AGBL1: variants seen among roughly 807,000 people sequenced by gnomAD.
AGBL1 encodes the protein cytosolic carboxypeptidase 4.
In AGBL1, 130 loss-of-function variants were observed where a neutral mutation model predicts 118.9. That is an observed-to-expected ratio of 1.09 (90% CI 0.95 to 1.26). The LOEUF (loss-of-function observed/expected upper bound fraction) is 1.26, where lower values mean the gene tolerates loss of function less well. Among genes scored for constraint, AGBL1 ranks in the 50% most tolerant of loss-of-function variants. AGBL1 has a pLI of 0.00. For synonymous variants in AGBL1, 555 were observed against 478.9 expected, an observed-to-expected ratio of 1.16 and a Z score of -2.08; for missense variants, 1,584 against 1,298.1, an observed-to-expected ratio of 1.22 and a Z score of -3.38.
At chr15:86,319,664 G>C (rs1355687377) in intron 17 of AGBL1, among the ~76,000 whole-genome samples, 1 of 147,846 alleles carries the variant, frequency 6.8e-6, no homozygotes, top group East Asian at 2.0e-4. Context: ...TATGTTACTA[G>C]CTTTATGTCA....
chr15:86,082,397 C>G (rs1372659235), intron 1 of AGBL1, among the ~76,000 whole-genome samples: 8 of 152,230 alleles, frequency 5.3e-5, no homozygotes, highest in Admixed American at 1.3e-4. Flanking sequence ...AATTGCTTCT[C>G]AAACCTTTGG....
At chr15:86,262,711 T>C (rs2079012430) in intron 9 of AGBL1, 67 bp from the exon 10 acceptor site, 3 of 1,071,600 alleles carry the variant, frequency 2.8e-6, no homozygotes, top group Middle Eastern at 2.0e-4. Flanking sequence ...CACATACATA[T>C]CATGTCTTGA....
chr15:86,256,169 C>T (rs1281900440), intron 7 of AGBL1, among the ~76,000 whole-genome samples: 1 of 152,180 alleles, frequency 6.6e-6, no homozygotes, highest in Non-Finnish European at 1.5e-5. Context: ...ATTTAGTGAA[C>T]TTGTTCCTAC....
At chr15:86,884,438 G>A (rs573799475) in intron 22 of AGBL1, among the ~76,000 whole-genome samples, 3 of 152,328 alleles carry the variant, frequency 2.0e-5, no homozygotes, top group Middle Eastern at 3.4e-3. Context: ...TTGGACCGAG[G>A]TTGACCTCAT....
chr15:86,476,684 T>G (rs1018442690), intron 18 of AGBL1, among the ~76,000 whole-genome samples: 4 of 151,944 alleles, frequency 2.6e-5, no homozygotes, highest in Non-Finnish European at 5.9e-5. Flanking sequence ...AGACAGAAAG[T>G]TAACAAGGAT....
rs193023067 is a variant in AGBL1 at position 86,620,386 on chromosome 15, C to A, written c.2995-53887C>A. Reference sequence around the variant, plus strand: ...ACATAGAGAAGCAATAAACTTCACGCTGTCAGGAGGTTGCGCTGAGACTTT... The same window carrying A: ...ACATAGAGAAGCAATAAACTTCACGATGTCAGGAGGTTGCGCTGAGACTTT... On this transcript the variant is annotated intron_variant, in intron 21 of 22. Coordinates refer to ENST00000614907, the MANE Select transcript of AGBL1 (RefSeq NM_001386094.1). Among the ~76,000 whole-genome samples, 661 of 152,272 alleles carry A rather than the reference C, an allele frequency of 4.3e-3. 1 individual carries two copies. Among genetic ancestry groups the A allele is most frequent in the African/African-American group, 0.015 (628 of 41,546 alleles).
intron 22 of AGBL1, among the ~76,000 whole-genome samples, chr15:86,676,644 T>G (rs74025411): frequency 0.035 from 5,308 of 152,278 alleles, 306 homozygotes; most frequent in African/African-American, 0.12. Context: ...AATCTATGTA[T>G]GTTTTAAAGA....
chr15:86,510,694 A>G (rs370196164), intron 18 of AGBL1, among the ~76,000 whole-genome samples: 2 of 152,132 alleles, frequency 1.3e-5, no homozygotes, highest in African/African-American at 2.4e-5. Flanking sequence ...AAAGCAGACT[A>G]CAGCAGCCTA....
Position 87,012,058 on chromosome 15 carries a change from C to G in AGBL1, c.3324-16767C>G, listed in dbSNP as rs1316281390. Among the ~76,000 whole-genome samples the G allele has an allele frequency of 3.3e-5, 5 of 151,998 alleles. No homozygotes were observed. The South Asian group carries it at 6.2e-4, about 19-fold the overall frequency. The stretch of plus-strand genomic sequence containing the variant: ...AAAGGCCCAACAGAGGCTACTATGT[C>G]CAATTTTTAATAGAGATAACTATTT... On this transcript the variant is annotated intron_variant, in intron 24 of 24. Transcript: ENST00000441037.
intron 21 of AGBL1, among the ~76,000 whole-genome samples, chr15:86,561,269 T>G (rs370681653): frequency 1.3e-5 from 2 of 152,254 alleles, no homozygotes; most frequent in South Asian, 4.1e-4. Context: ...TAGGTTTTCT[T>G]CTAGGGTTTT....
chr15:86,616,952 G>A (rs987969432), intron 21 of AGBL1, among the ~76,000 whole-genome samples: 6 of 152,180 alleles, frequency 3.9e-5, no homozygotes, highest in Non-Finnish European at 7.4e-5. Flanking sequence ...CACCAGGAGC[G>A]ATTGCTTGCT....
At chr15:86,944,875 T>C (rs1452434699) in intron 23 of AGBL1, among the ~76,000 whole-genome samples, 2 of 152,144 alleles carry the variant, frequency 1.3e-5, no homozygotes, top group Non-Finnish European at 2.9e-5. Flanking sequence ...TAGGAGACTT[T>C]TGCAGGGAAA....
At chr15:86,777,426 ATT>A (rs66971238) in intron 22 of AGBL1, among the ~76,000 whole-genome samples, 1 of 150,930 alleles carries the variant, frequency 6.6e-6, no homozygotes, top group African/African-American at 2.4e-5. Context: ...TCTTCCATCT[ATT>A]TTTTTTTCCC....
intron 18 of AGBL1, 140 bp downstream of exon 18, chr15:86,397,686 T>A: frequency 1.3e-6 from 1 of 780,548 alleles, no homozygotes; most frequent in Non-Finnish European, 2.0e-6. Flanking sequence ...CTGCTACAAA[T>A]AACAACATAC....
At chr15:86,195,142 G>C (rs1352148350) in intron 5 of AGBL1, among the ~76,000 whole-genome samples, 1 of 152,144 alleles carries the variant, frequency 6.6e-6, no homozygotes, top group Non-Finnish European at 1.5e-5. Context: ...GCTGGGGAAG[G>C]ACTGATGAGT....
In AGBL1 at chr15:86,996,883, T is replaced by C. The variant is rs753536224; in HGVS notation, c.3323+8795T>C. ...CCATTAAAAACAATGACAAAACTTG[T>C]GGATTTTGTTTTGCTCCCTTTTAAT... On this transcript the variant is annotated intron_variant, in intron 24 of 24. Coordinates refer to the AGBL1 transcript ENST00000441037. 1.1e-4 allele frequency among the ~76,000 whole-genome samples: 16 copies of C among 152,176 alleles called. 1 individual carries two copies. The highest frequency in any genetic ancestry group is 2.2e-4 in the Non-Finnish European group (15 of 68,026).
intron 23 of AGBL1, among the ~76,000 whole-genome samples, chr15:86,982,678 A>T (rs1418002788): frequency 6.6e-6 from 1 of 152,204 alleles, no homozygotes. Context: ...TCCACTTAGT[A>T]AACAGTAAAC....
intron 17 of AGBL1, chr15:86,297,128 T>A (rs927845464): frequency 6.6e-6 from 1 of 152,152 alleles, no homozygotes. Flanking sequence ...CACCCTTATA[T>A]GAATCAAAAG....
intron 18 of AGBL1, among the ~76,000 whole-genome samples, chr15:86,418,266 T>A (rs2142019587): frequency 6.6e-6 from 1 of 152,348 alleles, no homozygotes; most frequent in South Asian, 2.1e-4. Flanking sequence ...GTTATGATCA[T>A]TCAACCACTT....
Sources: gnomAD v4.1 joint callset for allele counts (sites outside exome capture counted in the v4.1 genomes callset) on GRCh38, gnomAD v4.1.1 for gene constraint, MANE v1.5 for transcripts, NCBI Gene and HGNC (gene_info 2026-07-23, HGNC 2026-07-21) for gene names.